Variants in GSK3B observed in about 807,000 individuals in gnomAD.
The protein encoded by GSK3B is glycogen synthase kinase-3 beta.
Under a neutral mutation model 56.4 loss-of-function variants are expected in GSK3B, and 15 were observed. That is an observed-to-expected ratio of 0.27 (90% CI 0.18 to 0.41). The LOEUF (loss-of-function observed/expected upper bound fraction) is 0.41. GSK3B is among the 10% of genes least tolerant of loss of function. The probability of loss-of-function intolerance (pLI) is 1.00; values close to 1 mark genes in which losing one functional copy is unlikely to be tolerated. For missense variants in GSK3B, 300 were observed against 513.4 expected (o/e 0.58, Z 4.02); for synonymous variants, 181 against 188.9 (o/e 0.96, Z 0.34).
intron 7 of GSK3B, among the ~76,000 whole-genome samples, chr3:119,889,164 T>A (rs193143093): frequency 2.6e-5 from 4 of 152,196 alleles, no homozygotes; most frequent in East Asian, 1.9e-4. Flanking sequence ...CCTTTTGAAA[T>A]CCTTAATAAA....
At chr3:119,883,446 A>T (rs1432428377) in intron 7 of GSK3B, among the ~76,000 whole-genome samples, 3 of 125,744 alleles carry the variant, frequency 2.4e-5, no homozygotes, top group Admixed American at 8.0e-5. Flanking sequence ...AAAAATTATT[A>T]AAAAAAAGAG....
At chr3:120,004,070 G>A (rs866018766) in intron 1 of GSK3B, among the ~76,000 whole-genome samples, 3 of 152,196 alleles carry the variant, frequency 2.0e-5, no homozygotes, top group South Asian at 2.1e-4. Flanking sequence ...AATGCTCTTC[G>A]CAACAGGCAG....
chr3:119,997,803 A>G (rs532265512), intron 2 of GSK3B, among the ~76,000 whole-genome samples: 1 of 152,344 alleles, frequency 6.6e-6, no homozygotes, highest in Admixed American at 6.5e-5. Flanking sequence ...ATATGGTAAC[A>G]TAATACATGG....
chr3:120,041,408 T>C, intron 1 of GSK3B: 3 of 268,508 alleles, frequency 1.1e-5, no homozygotes, highest in Non-Finnish European at 1.6e-5. Flanking sequence ...ACTACAAGAA[T>C]ACAAAGAAGC....
intron 1 of GSK3B, chr3:120,029,243 G>A (rs1404388333): frequency 2.8e-6 from 2 of 714,694 alleles, no homozygotes; most frequent in African/African-American, 3.5e-5. Context: ...ACTATGACAG[G>A]TTATCACAGC....
At chr3:119,876,385 A>T in intron 8 of GSK3B, 28 bp downstream of exon 8, 1 of 1,169,772 alleles carries the variant, frequency 8.5e-7, no homozygotes, top group Non-Finnish European at 1.3e-6. Flanking sequence ...ACTACTGATT[A>T]ATATACTTAA....
intron 1 of GSK3B, among the ~76,000 whole-genome samples, chr3:120,021,753 G>A (rs892034649): frequency 2.0e-5 from 3 of 152,178 alleles, no homozygotes; most frequent in Non-Finnish European, 2.9e-5. Flanking sequence ...AATGAGCAAA[G>A]AAAGTGATTT....
chr3:120,014,483 A>G (rs2057806853), intron 1 of GSK3B, among the ~76,000 whole-genome samples: 1 of 152,188 alleles, frequency 6.6e-6, no homozygotes, highest in African/African-American at 2.4e-5. Context: ...CGGAAGCTCT[A>G]GCCAGAGTGC....
At chr3:119,909,058 C>T (rs2056710978) in intron 6 of GSK3B, among the ~76,000 whole-genome samples, 1 of 152,140 alleles carries the variant, frequency 6.6e-6, no homozygotes, top group Admixed American at 6.5e-5. Flanking sequence ...CTCATTCTGT[C>T]ACCGAGCTGG....
intron 9 of GSK3B, among the ~76,000 whole-genome samples, chr3:119,860,510 T>C (rs1200070264): frequency 6.6e-6 from 1 of 152,234 alleles, no homozygotes; most frequent in Admixed American, 6.5e-5. Context: ...ATCTCTCTCC[T>C]TCCTCTATCT....
At chr3:120,000,046 C>T (rs564520850) in intron 2 of GSK3B, among the ~76,000 whole-genome samples, 35 of 152,086 alleles carry the variant, frequency 2.3e-4, no homozygotes, top group African/African-American at 8.0e-4. Context: ...CTAAGGTACA[C>T]GTTTATAAGT....
At position 119,923,379 on chromosome 3, in the gene GSK3B, A is replaced by G. The variant is rs1362093773; in HGVS notation, c.471T>C (p.Tyr157=). Reference sequence around the variant, plus strand: ...TTGTTATGTTTTTACATACCTTGACATAAATCACAGGGAGCGTCTGTTTGG... The same window carrying G: ...TTGTTATGTTTTTACATACCTTGACGTAAATCACAGGGAGCGTCTGTTTGG... ...SRAKQTLPVI[Y]VKLYMYQLFR... Residue 157 remains tyrosine (Y), a synonymous_variant, in exon 4 of 11, where the codon TAT becomes TAC. Coordinates refer to ENST00000264235, the MANE Select transcript of GSK3B (RefSeq NM_001146156.2). 3 of 1,533,234 alleles carry G rather than the reference A, an allele frequency of 2.0e-6. No homozygotes were observed. Among genetic ancestry groups the G allele is most frequent in the South Asian group, 1.1e-5 (1 of 88,346 alleles). 95.0% of individuals were successfully genotyped at this position (1,533,234 alleles called of 1,614,324 possible).
intron 3 of GSK3B, among the ~76,000 whole-genome samples, chr3:119,928,653 A>C (rs1489923819): frequency 1.3e-5 from 2 of 150,874 alleles, no homozygotes; most frequent in African/African-American, 2.4e-5. Context: ...AAGGGATAAG[A>C]AGCAAGATTC....
In GSK3B at chr3:119,884,357, T is replaced by C. The variant is rs1486794028; in HGVS notation, c.814-7849A>G. 2.6e-5 allele frequency among the ~76,000 whole-genome samples: 4 copies of C among 152,124 alleles called. No homozygotes were observed. In the South Asian group the frequency reaches 6.2e-4, roughly 24 times the overall value. ...CCATAATCACCTGACATGAGTTTAGTGGAATTAAGTTTTCCTTTCAAAGTA... is the reference window on the plus strand; with the variant it reads ...CCATAATCACCTGACATGAGTTTAGCGGAATTAAGTTTTCCTTTCAAAGTA... On this transcript the variant is annotated intron_variant, in intron 7 of 10. Transcript: ENST00000264235.
intron 8 of GSK3B, among the ~76,000 whole-genome samples, chr3:119,869,223 CA>C (rs67194724): frequency 1.8e-5 from 1 of 54,838 alleles, no homozygotes; most frequent in Non-Finnish European, 3.0e-5. Flanking sequence ...GATTCCATCT[CA>C]AAAAAAAAAA....
intron 9 of GSK3B, among the ~76,000 whole-genome samples, chr3:119,858,135 T>A (rs2056046464): frequency 6.6e-6 from 1 of 152,098 alleles, no homozygotes. Flanking sequence ...GGCCCTAGGA[T>A]TTTTGGAACG....
At chr3:120,071,884 T>C (rs780124653) in intron 1 of GSK3B, among the ~76,000 whole-genome samples, 9 of 152,168 alleles carry the variant, frequency 5.9e-5, no homozygotes, top group Non-Finnish European at 1.0e-4. Context: ...ATATACTCTT[T>C]TAAGTGGGGT....
chr3:119,936,459 GC>G (rs1382199146), intron 3 of GSK3B, among the ~76,000 whole-genome samples: 33 of 150,836 alleles, frequency 2.2e-4, no homozygotes, highest in African/African-American at 8.1e-4. Flanking sequence ...TGATTCTCCT[GC>G]CTCGGCCTCC....
intron 9 of GSK3B, among the ~76,000 whole-genome samples, chr3:119,849,810 T>C (rs761003637): frequency 3.3e-5 from 5 of 152,104 alleles, no homozygotes; most frequent in Non-Finnish European, 5.9e-5. Flanking sequence ...ATATACTTTA[T>C]TTTTTTATTT....
Sources: allele counts gnomAD v4.1 joint callset (sites outside exome capture counted in the v4.1 genomes callset), GRCh38; gene constraint gnomAD v4.1.1; transcripts MANE v1.5; gene names NCBI Gene and HGNC (gene_info 2026-07-23, HGNC 2026-07-21).